The following C4orf36 variants were observed in gnomAD, a reference collection of about 807,000 sequenced individuals.
The protein encoded by C4orf36 is uncharacterized protein C4orf36.
In C4orf36, 11 loss-of-function variants were observed where a neutral mutation model predicts 12.2. The ratio of observed to expected loss-of-function variants is 0.90; its 90% CI spans 0.57 to 1.49. The LOEUF is 1.49. Among genes scored for constraint, C4orf36 ranks in the 40% most tolerant of loss-of-function variants. C4orf36 has a pLI of 0.00. For synonymous variants in C4orf36, 54 were observed against 51.3 expected, an observed-to-expected ratio of 1.05 and a Z score of -0.22; for missense variants, 137 against 133.9, an observed-to-expected ratio of 1.02 and a Z score of -0.11.
the C4orf36 span, chr4:86,935,481 G>A: frequency 6.6e-6 from 1 of 152,464 alleles, no homozygotes; most frequent in Non-Finnish European, 1.5e-5. Flanking sequence ...AGAAAAACAG[G>A]GGACGGGGAC....
intron 1 of C4orf36, 55 bp from the exon 2 acceptor site, chr4:86,891,648 C>T (rs1010302430): frequency 2.5e-5 from 36 of 1,451,930 alleles, no homozygotes; most frequent in Non-Finnish European, 3.2e-5. Context: ...ATTTTGTAGC[C>T]AAATAATAGA....
chr4:86,895,561 T>C (rs1212031805), upstream of C4orf36, among the ~76,000 whole-genome samples: 3 of 152,234 alleles, frequency 2.0e-5, no homozygotes, highest in African/African-American at 4.8e-5. Flanking sequence ...ATCCTTAACA[T>C]TGTCAACACA....
chr4:86,889,626 G>A lies in C4orf36; in HGVS notation c.66-1351C>T, dbSNP rs112842006. ...AGATTAGAAAACTGAAGAGTAGGCT[G>A]GGCATGCTGGCTCATGCCTATAATC... On this transcript the variant is annotated intron_variant, in intron 2 of 4. Coordinates refer to ENST00000295898, the MANE Select transcript of C4orf36 (RefSeq NM_144645.4). Among the ~76,000 whole-genome samples the A allele has an allele frequency of 5.2e-3, 793 of 152,272 alleles. 7 individuals carry two copies. Among genetic ancestry groups the A allele is most frequent in the African/African-American group, 0.018 (740 of 41,564 alleles).
the C4orf36 span, among the ~76,000 whole-genome samples, chr4:86,898,262 C>T: frequency 2.0e-5 from 3 of 152,140 alleles, no homozygotes; most frequent in African/African-American, 7.2e-5. Context: ...TGTGATGGCA[C>T]GTGCCTGTAG....
chr4:86,896,301 A>G (rs1009152041), upstream of C4orf36, among the ~76,000 whole-genome samples: 6 of 152,228 alleles, frequency 3.9e-5, no homozygotes, highest in African/African-American at 1.4e-4. Flanking sequence ...TTACGCAACT[A>G]CCCTTTTCAA....
At chr4:86,876,604 C>T (rs1746934414) in intron 4 of C4orf36, 161 bp from the exon 5 acceptor site, 2 of 1,613,784 alleles carry the variant, frequency 1.2e-6, no homozygotes, top group South Asian at 1.1e-5. Context: ...CACAGAAGAA[C>T]AGACAGTTCT....
At chr4:86,913,431 C>T in the C4orf36 span, 19 of 742,996 alleles carry the variant, frequency 2.6e-5, 1 homozygote, top group East Asian at 2.4e-4. Flanking sequence ...GGTCCTCAGT[C>T]GTGGCCCTCT....
chr4:86,890,665 C>T (rs1249854619), intron 2 of C4orf36, among the ~76,000 whole-genome samples: 1 of 152,114 alleles, frequency 6.6e-6, no homozygotes, highest in East Asian at 1.9e-4. Flanking sequence ...TCATTTACTT[C>T]ACAGAATATT....
chr4:86,918,343 C>A, the C4orf36 span, among the ~76,000 whole-genome samples: 2 of 152,176 alleles, frequency 1.3e-5, no homozygotes, highest in Non-Finnish European at 2.9e-5. Context: ...AATCAGAGAC[C>A]GTGATGTAGT....
the C4orf36 span, among the ~76,000 whole-genome samples, chr4:86,930,427 G>A: frequency 1.8e-4 from 28 of 152,242 alleles, no homozygotes; most frequent in Non-Finnish European, 3.4e-4. Flanking sequence ...AATTGGTTAT[G>A]TAATCATGAT....
chr4:86,934,517 A>G, the C4orf36 span: 1 of 152,144 alleles, frequency 6.6e-6, no homozygotes, highest in African/African-American at 2.4e-5. Context: ...TTATTTGGGA[A>G]ATGGGAACAA....
At chr4:86,910,052 TAAAG>T in the C4orf36 span, among the ~76,000 whole-genome samples, 1 of 151,828 alleles carries the variant, frequency 6.6e-6, no homozygotes, top group Admixed American at 6.6e-5. Flanking sequence ...GAGACTGAAA[TAAAG>T]AAGTAGAAGG....
the C4orf36 span, among the ~76,000 whole-genome samples, chr4:86,930,776 T>C: frequency 3.3e-5 from 5 of 152,248 alleles, no homozygotes; most frequent in African/African-American, 1.2e-4. Context: ...ATGAACCTCA[T>C]ATTTGTTAGA....
At chr4:86,924,065 G>A in the C4orf36 span, among the ~76,000 whole-genome samples, 4 of 152,038 alleles carry the variant, frequency 2.6e-5, no homozygotes, top group Admixed American at 6.5e-5. Context: ...TTTTGAGACA[G>A]GGTCTCACTC....
At chr4:86,934,717 A>T in the C4orf36 span, 2 of 152,282 alleles carry the variant, frequency 1.3e-5, no homozygotes, top group Admixed American at 6.5e-5. Context: ...CCCTGAGCTT[A>T]ATCTCGCCGT....
At chr4:86,900,376 A>T in the C4orf36 span, among the ~76,000 whole-genome samples, 4 of 152,114 alleles carry the variant, frequency 2.6e-5, no homozygotes, top group Non-Finnish European at 5.9e-5. Flanking sequence ...GGAGATTTGT[A>T]TCCCTGGTCC....
At chr4:86,910,806 C>G in the C4orf36 span, among the ~76,000 whole-genome samples, 1 of 152,288 alleles carries the variant, frequency 6.6e-6, no homozygotes, top group South Asian at 2.1e-4. Flanking sequence ...TGGCTCATGT[C>G]TGTAATCCCA....
the C4orf36 span, among the ~76,000 whole-genome samples, chr4:86,919,588 G>A: frequency 6.6e-6 from 1 of 151,936 alleles, no homozygotes; most frequent in Admixed American, 6.6e-5. Flanking sequence ...GCCTCCCAAA[G>A]TGCTCGGATT....
the C4orf36 span, among the ~76,000 whole-genome samples, chr4:86,900,025 GTGTGATAGGCAGCTT>G: frequency 6.6e-6 from 1 of 151,804 alleles, no homozygotes; most frequent in East Asian, 1.9e-4. Context: ...CAAAATGTAG[GTGTGATAGGCAGCTT>G]TTTTTTTTTT....
Sources: gnomAD v4.1 joint callset for allele counts (sites outside exome capture counted in the v4.1 genomes callset) on GRCh38, gnomAD v4.1.1 for gene constraint, MANE v1.5 for transcripts, NCBI Gene and HGNC (gene_info 2026-07-23, HGNC 2026-07-21) for gene names.